The following HAUS8 variants were observed in gnomAD, a reference collection of about 807,000 sequenced individuals.
The protein encoded by HAUS8 is HAUS augmin like complex subunit 8, also known as HAUS augmin-like complex subunit 8.
A neutral mutation model predicts 42.9 loss-of-function variants in HAUS8; 38 were observed. That is an observed-to-expected ratio of 0.89 (90% CI 0.68 to 1.16). The LOEUF (loss-of-function observed/expected upper bound fraction) is 1.16. Among genes scored for constraint, HAUS8 ranks in the 50% most tolerant of loss-of-function variants. HAUS8 has a pLI of 0.00. For missense variants in HAUS8, 494 were observed against 511.6 expected (o/e 0.97, Z 0.33); for synonymous variants, 199 against 205.8 (o/e 0.97, Z 0.28).
intron 1 of HAUS8, 187 bp downstream of exon 1, chr19:17,075,207 G>T (rs1322182897): frequency 3.1e-6 from 2 of 640,952 alleles, no homozygotes; most frequent in Non-Finnish European, 5.4e-6. Flanking sequence ...ACTCAGGGCC[G>T]GTCGGGTGTC....
intron 9 of HAUS8, chr19:17,055,114 G>GGAAA (rs1342027832): frequency 2.1e-4 from 1 of 4,722 alleles, no homozygotes; most frequent in African/African-American, 6.9e-4. Flanking sequence ...CGTCTCTACA[G>GGAAA]AAAAAAAAAA....
At chr19:17,058,434 C>A in intron 8 of HAUS8, 115 bp downstream of exon 8, 1 of 1,058,118 alleles carries the variant, frequency 9.5e-7, no homozygotes, top group Non-Finnish European at 1.4e-6. Context: ...AAAAGCCCAA[C>A]ACAGTTAGAA....
chr19:17,064,842 G>A (rs181141938), intron 3 of HAUS8, among the ~76,000 whole-genome samples: 1 of 152,206 alleles, frequency 6.6e-6, no homozygotes, highest in East Asian at 1.9e-4. Context: ...CACAAATGGG[G>A]AAAGTGATCA....
rs1361539930 is a variant in HAUS8 at position 17,055,179 on chromosome 19, TATATATATATATAA to T, written c.787+668_787+681del. On this transcript the variant is annotated intron_variant, in intron 9 of 10. Coordinates refer to ENST00000253669, the MANE Select transcript of HAUS8 (RefSeq NM_033417.2). ...ATATATATATATATATATATATATA[TATATATATATATAA>T]GCCAGGTGTGGTGGTGCCCACGTGT... 144 of 53,164 alleles carry T rather than the reference TATATATATATATAA, an allele frequency of 2.7e-3. 5 individuals carry two copies. The highest frequency in any genetic ancestry group is 0.017 in the Middle Eastern group (1 of 58). 3.3% of individuals were successfully genotyped at this position (53,164 alleles called of 1,614,324 possible).
chr19:17,054,694 G>A (rs543327804), intron 9 of HAUS8, among the ~76,000 whole-genome samples: 103 of 151,902 alleles, frequency 6.8e-4, no homozygotes, highest in African/African-American at 2.1e-3. Flanking sequence ...CTAGCTACTC[G>A]GGAGGCTGAG....
At chr19:17,055,189 TATAA>T (rs1442563269) in intron 9 of HAUS8, 41 of 65,382 alleles carry the variant, frequency 6.3e-4, no homozygotes, top group African/African-American at 2.7e-3. Context: ...TATATATATA[TATAA>T]GCCAGGTGTG....
chr19:17,073,189 T>C, intron 2 of HAUS8, 85 bp downstream of exon 2: 1 of 1,229,132 alleles, frequency 8.1e-7, no homozygotes, highest in South Asian at 1.2e-5. Context: ...CAGGCCCCCT[T>C]CTCTGGCCTG....
chr19:17,060,185 C>A, intron 4 of HAUS8, 93 bp from the exon 5 acceptor site: 1 of 665,420 alleles, frequency 1.5e-6, no homozygotes, highest in East Asian at 2.9e-5. Flanking sequence ...AACAATACCA[C>A]TTGCTTCTAA....
chr19:17,068,820 G>A (rs967361281), intron 3 of HAUS8, among the ~76,000 whole-genome samples: 1 of 152,090 alleles, frequency 6.6e-6, no homozygotes, highest in Non-Finnish European at 1.5e-5. Context: ...TCACAGCTTC[G>A]TAAAAGAGAT....
At chr19:17,054,570 G>A (rs1397304006) in intron 9 of HAUS8, among the ~76,000 whole-genome samples, 1 of 152,142 alleles carries the variant, frequency 6.6e-6, no homozygotes, top group Non-Finnish European at 1.5e-5. Context: ...GGGAGGGCAA[G>A]GCGGGCAGAT....
At position 17,055,981 on chromosome 19, in the gene HAUS8, CGAAGGG is replaced by C. The variant is rs1568635422; in HGVS notation, c.661_666del (p.Pro221_Phe222del). The C allele has an allele frequency of 1.9e-6, 3 of 1,614,130 alleles. No individual in the cohort carries two copies. Among genetic ancestry groups the C allele is most frequent in the Non-Finnish European group, 2.5e-6 (3 of 1,180,026 alleles). ...TCCTTGAAGCGTGTGGCCACTGCCT[CGAAGGG>C]GCTGAGCATCTCGATCTGTAAGCAG... On this transcript the variant is annotated inframe_deletion, in exon 9 of 11. Coordinates refer to ENST00000253669, the MANE Select transcript of HAUS8 (RefSeq NM_033417.2).
At chr19:17,053,125 G>A (rs945257602) in intron 9 of HAUS8, 159 bp from the exon 10 acceptor site, 6 of 758,626 alleles carry the variant, frequency 7.9e-6, no homozygotes, top group East Asian at 5.4e-5. Context: ...GAAGACATTC[G>A]TCCCTTATCC....
intron 9 of HAUS8, 150 bp downstream of exon 9, chr19:17,055,711 G>T: frequency 2.6e-6 from 2 of 782,386 alleles, no homozygotes; most frequent in Non-Finnish European, 4.1e-6. Context: ...CGAGACCCTT[G>T]GAGGAACCAC....
chr19:17,051,525 C>T (rs2057287219), intron 10 of HAUS8, among the ~76,000 whole-genome samples: 1 of 151,952 alleles, frequency 6.6e-6, no homozygotes, highest in African/African-American at 2.4e-5. Context: ...AAAACATCCT[C>T]CTGGGACCTT....
intron 4 of HAUS8, among the ~76,000 whole-genome samples, chr19:17,062,152 A>T (rs1472908134): frequency 6.6e-6 from 1 of 152,090 alleles, no homozygotes; most frequent in Non-Finnish European, 1.5e-5. Flanking sequence ...ACGGTGTCTC[A>T]CTCGGTTGCC....
At chr19:17,071,096 G>A (rs1166756401) in intron 2 of HAUS8, among the ~76,000 whole-genome samples, 2 of 150,212 alleles carry the variant, frequency 1.3e-5, no homozygotes, top group African/African-American at 4.9e-5. Flanking sequence ...GTTCTGCATT[G>A]TATCGGTGCC....
chr19:17,063,670 C>T (rs1412598299), intron 3 of HAUS8, among the ~76,000 whole-genome samples: 2 of 152,126 alleles, frequency 1.3e-5, no homozygotes, highest in East Asian at 3.8e-4. Context: ...AATAAACTGC[C>T]CTCCCCAGTG....
At chr19:17,057,427 T>C (rs1407578056) in intron 8 of HAUS8, among the ~76,000 whole-genome samples, 1 of 152,202 alleles carries the variant, frequency 6.6e-6, no homozygotes, top group African/African-American at 2.4e-5. Flanking sequence ...TATGCACTCA[T>C]GACATGCCTA....
chr19:17,075,142 T>G, intron 1 of HAUS8: 1 of 552,932 alleles, frequency 1.8e-6, no homozygotes, highest in Non-Finnish European at 3.3e-6. Flanking sequence ...AGCGAGGCAC[T>G]GGGCGGTCAG....
Sources: gnomAD v4.1 joint callset for allele counts (sites outside exome capture counted in the v4.1 genomes callset) on GRCh38, gnomAD v4.1.1 for gene constraint, MANE v1.5 for transcripts, NCBI Gene and HGNC (gene_info 2026-07-23, HGNC 2026-07-21) for gene names.